WDFY4: variants seen among roughly 807,000 people sequenced by gnomAD.
WDFY4 encodes WD repeat- and FYVE domain-containing protein 4.
A neutral mutation model predicts 351.9 loss-of-function variants in WDFY4; 169 were observed. The ratio of observed to expected loss-of-function variants is 0.48; its 90% CI spans 0.42 to 0.55. The LOEUF is 0.55. Among genes scored for constraint, WDFY4 ranks in the 20% least tolerant of loss-of-function variants. WDFY4 has a pLI of 0.00. For synonymous variants in WDFY4, 1,622 were observed against 1,574.6 expected (o/e 1.03, Z -0.71); for missense variants, 3,803 against 3,935.6 (o/e 0.97, Z 0.90).
intron 43 of WDFY4, among the ~76,000 whole-genome samples, chr10:48,885,784 T>A (rs2070432050): frequency 6.6e-6 from 1 of 152,126 alleles, no homozygotes; most frequent in Non-Finnish European, 1.5e-5. Flanking sequence ...ATAGATAGCA[T>A]CTCCTTATTG....
At chr10:48,792,315 G>A (rs1162097910) in intron 23 of WDFY4, among the ~76,000 whole-genome samples, 1 of 152,224 alleles carries the variant, frequency 6.6e-6, no homozygotes, top group East Asian at 1.9e-4. Flanking sequence ...TCTTGGCACT[G>A]TGGGCACATC....
chr10:48,786,789 G>T lies in WDFY4; in HGVS notation c.3727G>T (p.Ala1243Ser). ...TGGCCCCACATACCTCTTTGAAGAA[G>T]CCATTTCAATGGAAACTCTGGAAGT... ...RLGPTYLFEEAISMETLEVIN... is the reference protein window; with the variant it reads ...RLGPTYLFEESISMETLEVIN... Residue 1243 changes from alanine to serine, a missense_variant, in exon 20 of 62, where the codon GCC becomes TCC. Transcript: ENST00000325239. 6.4e-7 allele frequency: 1 copy of T among 1,552,366 alleles called. No individual in the cohort carries two copies. Among genetic ancestry groups the T allele is most frequent in the South Asian group, 1.2e-5 (1 of 84,062 alleles).
At chr10:48,890,511 C>A in intron 43 of WDFY4, 68 bp from the exon 44 acceptor site, 1 of 1,541,966 alleles carries the variant, frequency 6.5e-7, no homozygotes, top group Non-Finnish European at 8.8e-7. Context: ...CACTACCCTC[C>A]TGTTTCCCCC....
intron 39 of WDFY4, among the ~76,000 whole-genome samples, chr10:48,855,304 T>C (rs2069098553): frequency 6.6e-6 from 1 of 152,160 alleles, no homozygotes; most frequent in South Asian, 2.1e-4. Flanking sequence ...ACTCCATGCC[T>C]CCTTCCAGTC....
chr10:48,724,541 T>C (rs1343692584), intron 5 of WDFY4, among the ~76,000 whole-genome samples: 1 of 152,142 alleles, frequency 6.6e-6, no homozygotes, highest in Non-Finnish European at 1.5e-5. Context: ...GTTTACTGTG[T>C]GGCTTTTAGG....
chr10:48,933,391 G>GGT (rs1366534280), intron 47 of WDFY4, among the ~76,000 whole-genome samples: 2 of 152,192 alleles, frequency 1.3e-5, no homozygotes, highest in Non-Finnish European at 2.9e-5. Context: ...GCATCTCTCT[G>GGT]GTGCCCTTTC....
chr10:48,941,832 T>A lies in WDFY4; in HGVS notation c.7613T>A (p.Met2538Lys), dbSNP rs1473421064. The A allele has an allele frequency of 6.4e-7, 1 of 1,552,250 alleles. No individual in the cohort carries two copies. Among genetic ancestry groups the A allele is most frequent in the East Asian group, 2.4e-5 (1 of 40,914 alleles). The change falls in exon 48 of 62, where the codon ATG (methionine) becomes AAG (lysine). Residue 2538 changes from methionine to lysine, a missense_variant. Physicochemically the swap from Met to Lys is moderately conservative, Grantham distance 95. Coordinates refer to ENST00000325239, the MANE Select transcript of WDFY4 (RefSeq NM_001394531.1). ...LRRYPGSDRI[M>K]LQKWQKRDIS... ...AGATACCCCGGCTCTGACAGGATCATGCTGCAGAAGTGGCAGGTACAGTAG... is the reference window on the plus strand; with the variant it reads ...AGATACCCCGGCTCTGACAGGATCAAGCTGCAGAAGTGGCAGGTACAGTAG...
chr10:48,890,425 T>C (rs1321053001), intron 43 of WDFY4, among the ~76,000 whole-genome samples, 154 bp from the exon 44 acceptor site: 2 of 152,134 alleles, frequency 1.3e-5, no homozygotes, highest in Non-Finnish European at 2.9e-5. Flanking sequence ...TGAAGAGCAG[T>C]ACAGTCCTGG....
chr10:48,725,791 C>G, intron 5 of WDFY4, 90 bp from the exon 6 acceptor site: 2 of 1,274,322 alleles, frequency 1.6e-6, no homozygotes, highest in Non-Finnish European at 2.2e-6. Context: ...ACATGCTCAT[C>G]AGTGCTCCAG....
chr10:48,970,578 G>A (rs772180080), intron 57 of WDFY4, among the ~76,000 whole-genome samples: 13 of 152,206 alleles, frequency 8.5e-5, no homozygotes, highest in Admixed American at 2.6e-4. Context: ...GAGAGATGCC[G>A]GGCCACACAC....
chr10:48,740,252 G>C (rs752288690), intron 11 of WDFY4, among the ~76,000 whole-genome samples: 2 of 152,198 alleles, frequency 1.3e-5, no homozygotes, highest in African/African-American at 4.8e-5. Flanking sequence ...GTTCAGACGC[G>C]TGCCGTACCA....
intron 35 of WDFY4, among the ~76,000 whole-genome samples, chr10:48,826,154 A>G (rs895188891): frequency 6.6e-6 from 1 of 152,214 alleles, no homozygotes; most frequent in African/African-American, 2.4e-5. Flanking sequence ...GAAGGGGTCC[A>G]GTTTCGATTT....
chr10:48,974,959 G>A lies in WDFY4; in HGVS notation c.9026G>A (p.Trp3009Ter). 6.4e-7 allele frequency: 1 copy of A among 1,551,666 alleles called. No homozygotes were observed. The highest frequency in any genetic ancestry group is 8.7e-7 in the Non-Finnish European group (1 of 1,146,982). The change falls in exon 58 of 62, where the codon TGG becomes TAG. Residue 3009 changes from tryptophan to a stop codon, truncating the protein, a stop_gained. Transcript: ENST00000325239. LOFTEE classifies it high-confidence loss of function. ...SGSQDCTCIL[W>*]DLDHLTHVTR... ...TCCCAGGACTGCACCTGTATCCTGT[G>A]GGATCTGGACCACCTCACCCACGTG...
At chr10:48,733,760 C>T (rs1457914910) in intron 9 of WDFY4, among the ~76,000 whole-genome samples, 171 bp from the exon 10 acceptor site, 2 of 152,194 alleles carry the variant, frequency 1.3e-5, no homozygotes, top group Admixed American at 6.5e-5. Flanking sequence ...AAATGGAGAA[C>T]CCCTGCTGTA....
At chr10:48,702,545 T>G (rs1427947732) in intron 1 of WDFY4, among the ~76,000 whole-genome samples, 1 of 152,020 alleles carries the variant, frequency 6.6e-6, no homozygotes, top group Non-Finnish European at 1.5e-5. Context: ...GCAGCCAGGG[T>G]GCTGTGGGTG....
At chr10:48,956,955 G>A (rs759262891) in intron 51 of WDFY4, among the ~76,000 whole-genome samples, 174 bp from the exon 52 acceptor site, 1 of 152,182 alleles carries the variant, frequency 6.6e-6, no homozygotes, top group Non-Finnish European at 1.5e-5. Flanking sequence ...TGAAGGAACC[G>A]GTGGCTGGAG....
chr10:48,773,700 G>A (rs576101664), intron 13 of WDFY4, among the ~76,000 whole-genome samples: 26 of 152,304 alleles, frequency 1.7e-4, no homozygotes, highest in South Asian at 6.2e-4. Flanking sequence ...GAGGGTGGGC[G>A]GAGGGAGATG....
chr10:48,718,451 A>T (rs746422793), intron 2 of WDFY4, among the ~76,000 whole-genome samples: 1 of 152,238 alleles, frequency 6.6e-6, no homozygotes, highest in Non-Finnish European at 1.5e-5. Context: ...TCTTTCCTAG[A>T]TGGAAGAGCT....
intron 39 of WDFY4, among the ~76,000 whole-genome samples, chr10:48,835,943 G>A (rs898239827): frequency 2.6e-5 from 4 of 152,184 alleles, no homozygotes; most frequent in Admixed American, 6.5e-5. Context: ...CCTGCTACAC[G>A]GTAGGCCCTT....
Sources: gnomAD v4.1 joint callset for allele counts (sites outside exome capture counted in the v4.1 genomes callset) on GRCh38, gnomAD v4.1.1 for gene constraint, MANE v1.5 for transcripts, NCBI Gene and HGNC (gene_info 2026-07-23, HGNC 2026-07-21) for gene names.